Variants in ASMTL observed in about 807,000 individuals in gnomAD.
ASMTL encodes probable bifunctional dTTP/UTP pyrophosphatase/methyltransferase protein.
Under a neutral mutation model 60.3 loss-of-function variants are expected in ASMTL, and 57 were observed. The observed-to-expected ratio is 0.95, with a 90% confidence interval of 0.76 to 1.18. The LOEUF (loss-of-function observed/expected upper bound fraction) is 1.18, where lower values mean the gene tolerates loss of function less well. Ranked by LOEUF, ASMTL falls within the 50% of genes most tolerant of loss-of-function variation. The pLI is 0.00. For synonymous variants in ASMTL, 419 were observed against 373.0 expected, an observed-to-expected ratio of 1.12 and a Z score of -1.42; for missense variants, 981 against 852.6, an observed-to-expected ratio of 1.15 and a Z score of -1.88.
upstream of ASMTL, among the ~76,000 whole-genome samples, chrX:1,453,374 G>A (rs1390132110): frequency 3.1e-4 from 37 of 120,270 alleles, no homozygotes; most frequent in African/African-American, 9.2e-4. Flanking sequence ...CGCCCCGGCC[G>A]CTTGGTGAAG....
chrX:1,407,755 AAGAG>A (rs1426403643), intron 12 of ASMTL, among the ~76,000 whole-genome samples: 2 of 151,872 alleles, frequency 1.3e-5, no homozygotes, highest in African/African-American at 2.4e-5. Flanking sequence ...TAGATGTATA[AAGAG>A]AGACAGAGAC....
At chrX:1,407,868 C>T (rs1356210145) in intron 12 of ASMTL, among the ~76,000 whole-genome samples, 1 of 151,608 alleles carries the variant, frequency 6.6e-6, no homozygotes, top group African/African-American at 2.4e-5. Context: ...CCTAAAAAGA[C>T]ACAGAGAGGA....
In ASMTL at chrX:1,432,346, G is replaced by A; in HGVS notation, c.432C>T (p.Phe144=). 1 of 1,613,256 alleles carries A rather than the reference G, an allele frequency of 6.2e-7. No homozygotes were observed. Among genetic ancestry groups the A allele is most frequent in the Non-Finnish European group, 8.5e-7 (1 of 1,179,748 alleles). Residue 144 remains phenylalanine, a synonymous_variant, in exon 6 of 13, where the codon TTC becomes TTT. Transcript: ENST00000381317. ...DHQLDTRVSE[F]YEETKVKFSE... Reference sequence around the variant, plus strand: ...AGAACTTCACCTTCGTTTCCTCGTAGAATTCCGAGACCCTGGTGTCCAGCT... The same window carrying A: ...AGAACTTCACCTTCGTTTCCTCGTAAAATTCCGAGACCCTGGTGTCCAGCT...
Position 1,412,573 on chromosome X carries a change from G to C in ASMTL, c.1645+159C>G, listed in dbSNP as rs188709684. The stretch of plus-strand genomic sequence containing the variant: ...CGATGGGGTTTCACCACGTTGGCCA[G>C]GCTGGTCTGAAACTCCTGACCTCAG... On this transcript the variant is annotated intron_variant, in intron 12 of 12. Coordinates refer to ENST00000381317, the MANE Select transcript of ASMTL (RefSeq NM_004192.4). The C allele has an allele frequency of 6.9e-3, 2,650 of 383,852 alleles. 19 individuals are homozygous for C. The highest frequency in any genetic ancestry group is 8.6e-3 in the Non-Finnish European group (2,414 of 280,342). 23.8% of individuals were successfully genotyped at this position (383,852 alleles called of 1,614,324 possible).
At chrX:1,408,078 G>C (rs1342453886) in intron 12 of ASMTL, among the ~76,000 whole-genome samples, 1 of 151,374 alleles carries the variant, frequency 6.6e-6, no homozygotes, top group African/African-American at 2.4e-5. Flanking sequence ...ACAAATGCTG[G>C]TACTCCCAAA....
intron 12 of ASMTL, 105 bp downstream of exon 12, chrX:1,412,627 C>A: frequency 2.0e-6 from 3 of 1,508,890 alleles, no homozygotes; most frequent in South Asian, 1.1e-5. Flanking sequence ...CCTCCCAAAG[C>A]GCTGGGATGA....
intron 11 of ASMTL, among the ~76,000 whole-genome samples, chrX:1,414,810 G>A (rs2090171407): frequency 6.6e-6 from 1 of 152,136 alleles, no homozygotes; most frequent in East Asian, 1.9e-4. Context: ...GTTGCGTTTT[G>A]TTTTTTTAAA....
intron 10 of ASMTL, 109 bp from the exon 11 acceptor site, chrX:1,418,225 C>CAATG: frequency 1.6e-6 from 2 of 1,280,260 alleles, no homozygotes; most frequent in Non-Finnish European, 1.1e-6. Context: ...GGCATTGATT[C>CAATG]CCATGCTGGA....
chrX:1,452,212 C>T (rs1353107326), intron 1 of ASMTL, among the ~76,000 whole-genome samples: 5 of 146,132 alleles, frequency 3.4e-5, no homozygotes, highest in South Asian at 2.2e-4. Flanking sequence ...ATCCCCATGC[C>T]TGGGGGTCCC....
At chrX:1,403,571 C>G in intron 12 of ASMTL, 82 bp from the exon 13 acceptor site, 2 of 1,312,576 alleles carry the variant, frequency 1.5e-6, no homozygotes, top group Non-Finnish European at 1.1e-6. Context: ...CAGCAGGCAA[C>G]AGGAGCTCAG....
Position 1,418,063 on chromosome X carries a change from C to A in ASMTL, c.1432G>T (p.Val478Leu). 6.2e-7 allele frequency: 1 copy of A among 1,613,488 alleles called. No individual in the cohort carries two copies. The part of the protein sequence containing the change: ...ELAREYPRMQ[V>L]TVFDLPDIIE... ...ATGTCTGGGAGGTCAAACACAGTCA[C>A]CTGCATACGAGGGTACTCACGGGCC... The change falls in exon 11 of 13, where the codon GTG becomes TTG. Residue 478 changes from valine to leucine, a missense_variant. Physicochemically the swap from Val to Leu is conservative, Grantham distance 32. Coordinates refer to ENST00000381317, the MANE Select transcript of ASMTL (RefSeq NM_004192.4).
intron 3 of ASMTL, among the ~76,000 whole-genome samples, chrX:1,436,462 C>T (rs1389843228): frequency 2.0e-5 from 3 of 152,330 alleles, no homozygotes; most frequent in African/African-American, 4.8e-5. Context: ...ACGCCATTCT[C>T]CTGCCTCAGC....
At chrX:1,449,811 C>T (rs2091314431) in intron 1 of ASMTL, among the ~76,000 whole-genome samples, 1 of 146,870 alleles carries the variant, frequency 6.8e-6, no homozygotes, top group South Asian at 2.2e-4. Context: ...TATCTCCCAT[C>T]AACAGTAACT....
chrX:1,421,453 C>T lies in ASMTL; in HGVS notation c.1245+205G>A, dbSNP rs1326052769. Among the ~76,000 whole-genome samples, 6 of 152,074 alleles carry T rather than the reference C, an allele frequency of 3.9e-5. No homozygotes were observed. The East Asian group carries it at 9.6e-4, about 24-fold the overall frequency. On this transcript the variant is annotated intron_variant, in intron 9 of 12. Transcript: ENST00000381317. ...TCTATTTTCATCAGCTGCTGGATAA[C>T]AGTGGAGGATGTCTAAGTTGCACCT...
At position 1,427,870 on chromosome X, in the gene ASMTL, C is replaced by G; in HGVS notation, c.761G>C (p.Gly254Ala). 6.2e-7 allele frequency: 1 copy of G among 1,613,236 alleles called. No individual in the cohort carries two copies. Among genetic ancestry groups the G allele is most frequent in the East Asian group, 2.2e-5 (1 of 44,884 alleles). ...GGSEPTQRDA[G>A]SRDEKAEAGE... ...CGCCTCGGCCTTCTCATCGCGGCTG[C>G]CCGCGTCCCTCTGAGTGGGCTCCGA... The change falls in exon 7 of 13, where the codon GGC becomes GCC. Residue 254 changes from glycine to alanine, a missense_variant. By Grantham distance (60) the Gly-to-Ala change is moderately conservative (BLOSUM62 0). Coordinates refer to ENST00000381317, the MANE Select transcript of ASMTL (RefSeq NM_004192.4).
chrX:1,450,691 T>C (rs1370844217), intron 1 of ASMTL, among the ~76,000 whole-genome samples: 1 of 75,548 alleles, frequency 1.3e-5, no homozygotes, highest in Non-Finnish European at 2.5e-5. Flanking sequence ...CCTAGGGGGT[T>C]CCGGGTCACA....
At chrX:1,435,568 A>T in intron 4 of ASMTL, 126 bp downstream of exon 4, 1 of 889,496 alleles carries the variant, frequency 1.1e-6, no homozygotes, top group Non-Finnish European at 1.8e-6. Context: ...AGCACAGCTC[A>T]GACAGCACAG....
chrX:1,403,326 C>G lies in ASMTL; in HGVS notation c.1809G>C (p.Gln603His). 1 of 1,613,350 alleles carries G rather than the reference C, an allele frequency of 6.2e-7. No homozygotes were observed. Among genetic ancestry groups the G allele is most frequent in the Non-Finnish European group, 8.5e-7 (1 of 1,179,864 alleles). Reference protein sequence around the residue: ...LLELHGFHQVQVVHLGGVLDA... With the variant: ...LLELHGFHQVHVVHLGGVLDA... Reference sequence around the variant, plus strand: ...CCAGGACACCCCCCAAGTGCACCACCTGCACCTGGTGGAAGCCGTGCAGCT... The same window carrying G: ...CCAGGACACCCCCCAAGTGCACCACGTGCACCTGGTGGAAGCCGTGCAGCT... The change falls in exon 13 of 13, where the codon CAG becomes CAC. Residue 603 changes from glutamine to histidine, a missense_variant. Coordinates refer to ENST00000381317, the MANE Select transcript of ASMTL (RefSeq NM_004192.4).
chrX:1,415,852 A>G (rs1569531972), intron 11 of ASMTL, among the ~76,000 whole-genome samples: 3 of 152,156 alleles, frequency 2.0e-5, no homozygotes, highest in African/African-American at 2.4e-5. Context: ...ACAGACACAG[A>G]CACAGGCACA....
Sources: gnomAD v4.1 joint callset for allele counts (sites outside exome capture counted in the v4.1 genomes callset) on GRCh38, gnomAD v4.1.1 for gene constraint, MANE v1.5 for transcripts, NCBI Gene and HGNC (gene_info 2026-07-23, HGNC 2026-07-21) for gene names.